The following SPATA21 variants were observed in gnomAD, a reference collection of about 807,000 sequenced individuals.
SPATA21 encodes spermatogenesis associated 21.
In SPATA21, 47 loss-of-function variants were observed where a neutral mutation model predicts 54.8. The observed-to-expected ratio is 0.86, with a 90% confidence interval of 0.68 to 1.09. The LOEUF is 1.09. Ranked by LOEUF, SPATA21 falls within the 50% of genes least tolerant of loss-of-function variation. SPATA21 has a pLI of 0.00. For missense variants in SPATA21, 599 were observed against 596.4 expected, an observed-to-expected ratio of 1.00 and a Z score of -0.05; for synonymous variants, 245 against 235.3, an observed-to-expected ratio of 1.04 and a Z score of -0.38.
At chr1:16,413,540 G>T (rs4661748) in intron 5 of SPATA21, among the ~76,000 whole-genome samples, 45,705 of 152,070 alleles carry the variant, frequency 0.3, 7,116 homozygotes, top group Non-Finnish European at 0.33. Flanking sequence ...ACCCAGAAAT[G>T]GAGTTTCAGC....
chr1:16,415,352 TCTGGGGCTC>T (rs1207102241), intron 5 of SPATA21, among the ~76,000 whole-genome samples: 7 of 151,952 alleles, frequency 4.6e-5, no homozygotes, highest in Admixed American at 2.6e-4. Flanking sequence ...AAAAATCAGT[TCTGGGGCTC>T]CTGCTCCATT....
Position 16,400,849 on chromosome 1 carries a change from C to G in SPATA21, c.1045G>C (p.Glu349Gln), listed in dbSNP as rs199604451. 6.2e-7 allele frequency: 1 copy of G among 1,614,012 alleles called. No homozygotes were observed. Among genetic ancestry groups the G allele is most frequent in the East Asian group, 2.2e-5 (1 of 44,884 alleles). Residue 349 changes from glutamate to glutamine, a missense_variant, in exon 11 of 13, where the codon GAG (glutamate) becomes CAG (glutamine). Transcript: ENST00000335496. ...KLKEGTCKAQEMEAAVGRLRL... is the reference protein window; with the variant it reads ...KLKEGTCKAQQMEAAVGRLRL... ...AGCCGGCCTACGGCCGCTTCCATCTCCTGGGCCTTGCAGGTGCCTTCCTTC... is the reference window on the plus strand; with the variant it reads ...AGCCGGCCTACGGCCGCTTCCATCTGCTGGGCCTTGCAGGTGCCTTCCTTC...
At chr1:16,426,531 T>A (rs1325315123) in intron 3 of SPATA21, among the ~76,000 whole-genome samples, 1 of 145,736 alleles carries the variant, frequency 6.9e-6, no homozygotes, top group African/African-American at 2.5e-5. Context: ...AGTGTTGAGA[T>A]TACAGGCGTG....
At chr1:16,416,864 C>G (rs559243948) in intron 5 of SPATA21, among the ~76,000 whole-genome samples, 1 of 152,236 alleles carries the variant, frequency 6.6e-6, no homozygotes, top group African/African-American at 2.4e-5. Flanking sequence ...TTCTGCGGTC[C>G]CTCAGCAAGT....
downstream of SPATA21, chr1:16,398,020 G>A (rs1557636524): frequency 3.4e-6 from 3 of 875,816 alleles, no homozygotes; most frequent in Non-Finnish European, 4.1e-6. Context: ...CTGCACCCCT[G>A]CAGTCTTACT....
rs543223218 is a variant in SPATA21 at position 16,435,891 on chromosome 1, C to T, written c.-187+1237G>A. Among the ~76,000 whole-genome samples the T allele has an allele frequency of 1.7e-3, 252 of 152,294 alleles. 1 individual carries two copies. Among genetic ancestry groups the T allele is most frequent in the African/African-American group, 6.0e-3 (250 of 41,560 alleles). On this transcript the variant is annotated intron_variant, in intron 1 of 12. Transcript: ENST00000335496. ...TATATATGATCTGCAAAAATTTTCT[C>T]CCATTATGTGGATTACATTTTCACC...
At chr1:16,420,030 T>TGGGAGACCAGAGGG (rs1553165275) in intron 5 of SPATA21, among the ~76,000 whole-genome samples, 1 of 151,960 alleles carries the variant, frequency 6.6e-6, no homozygotes, top group Non-Finnish European at 1.5e-5. Flanking sequence ...AGAATGGAGA[T>TGGGAGACCAGAGGG]GGGAGACCAG....
chr1:16,408,367 TG>T, intron 7 of SPATA21: 2 of 630,970 alleles, frequency 3.2e-6, no homozygotes, highest in Non-Finnish European at 2.0e-6. Context: ...TTTAGGCTGG[TG>T]GCCTTGTTTA....
chr1:16,433,723 G>C (rs1250681701), intron 1 of SPATA21, among the ~76,000 whole-genome samples: 1 of 152,192 alleles, frequency 6.6e-6, no homozygotes, highest in East Asian at 1.9e-4. Context: ...ATCTAGACAA[G>C]GAGGGGAAGC....
At chr1:16,422,171 G>A (rs982212389) in intron 3 of SPATA21, 200 bp from the exon 4 acceptor site, 13 of 1,442,862 alleles carry the variant, frequency 9.0e-6, no homozygotes, top group African/African-American at 1.4e-5. Flanking sequence ...CCTGGTGACT[G>A]GGGGTGGATT....
intron 3 of SPATA21, among the ~76,000 whole-genome samples, chr1:16,429,715 C>T (rs1377157924): frequency 6.7e-6 from 1 of 150,290 alleles, no homozygotes. Context: ...CTCAGGTGAT[C>T]CACCCGCCTC....
intron 5 of SPATA21, among the ~76,000 whole-genome samples, chr1:16,413,832 T>C (rs903558833): frequency 3.9e-5 from 6 of 151,952 alleles, no homozygotes; most frequent in African/African-American, 1.4e-4. Context: ...GGGCTGGTCT[T>C]GAACTCCTGA....
chr1:16,435,189 A>C (rs987995873), intron 1 of SPATA21, among the ~76,000 whole-genome samples: 1 of 151,922 alleles, frequency 6.6e-6, no homozygotes, highest in African/African-American at 2.4e-5. Flanking sequence ...ATCCTAGTGG[A>C]TGTGAGTGTA....
In SPATA21 at chr1:16,426,096, G is replaced by A. The variant is rs192096317; in HGVS notation, c.35-4125C>T. ...TTTAAACTGTTTTTCAGAAAAAAAT[G>A]AAACAAAAATCAGAACTGGGATGCA... On this transcript the variant is annotated intron_variant, in intron 3 of 12. Coordinates refer to ENST00000335496, the MANE Select transcript of SPATA21 (RefSeq NM_198546.1). Among the ~76,000 whole-genome samples the A allele has an allele frequency of 5.6e-3, 848 of 152,046 alleles. 5 individuals carry two copies. The highest frequency in any genetic ancestry group is 0.019 in the African/African-American group (775 of 41,516).
At chr1:16,398,939 ATGG>A in intron 12 of SPATA21, 117 bp from the exon 13 acceptor site, 1 of 1,090,768 alleles carries the variant, frequency 9.2e-7, no homozygotes, top group Non-Finnish European at 1.3e-6. Flanking sequence ...CCCCTCAGAA[ATGG>A]TGGAACCAGC....
At chr1:16,422,017 C>T in intron 3 of SPATA21, 46 bp from the exon 4 acceptor site, 1 of 1,613,886 alleles carries the variant, frequency 6.2e-7, no homozygotes, top group Non-Finnish European at 8.5e-7. Flanking sequence ...TGAGAGCTGT[C>T]CCCATGTCCC....
chr1:16,434,569 T>C (rs935256206), intron 1 of SPATA21, among the ~76,000 whole-genome samples: 2 of 152,164 alleles, frequency 1.3e-5, no homozygotes, highest in Admixed American at 6.5e-5. Context: ...GTGCTGAGAT[T>C]ACAGGTGTGA....
intron 3 of SPATA21, among the ~76,000 whole-genome samples, chr1:16,430,064 C>T (rs1237686526): frequency 2.8e-5 from 4 of 144,512 alleles, no homozygotes; most frequent in Admixed American, 7.1e-5. Context: ...TTGCAGTGAG[C>T]CATGATCACA....
At chr1:16,412,184 G>A (rs901030043) in intron 5 of SPATA21, among the ~76,000 whole-genome samples, 1 of 152,018 alleles carries the variant, frequency 6.6e-6, no homozygotes, top group African/African-American at 2.4e-5. Flanking sequence ...TCCTTCCCCT[G>A]CTCTGGACTC....
Sources: allele counts gnomAD v4.1 joint callset (sites outside exome capture counted in the v4.1 genomes callset), GRCh38; gene constraint gnomAD v4.1.1; transcripts MANE v1.5; gene names NCBI Gene and HGNC (gene_info 2026-07-23, HGNC 2026-07-21).